Variants in TAOK3 observed in about 807,000 individuals in gnomAD.
TAOK3 encodes the protein TAO kinase 3.
A neutral mutation model predicts 120.4 loss-of-function variants in TAOK3; 40 were observed. The ratio of observed to expected loss-of-function variants is 0.33; its 90% CI spans 0.26 to 0.43. TAOK3 has a LOEUF of 0.43. Among genes scored for constraint, TAOK3 ranks in the 20% least tolerant of loss-of-function variants. The pLI is 1.00. For missense variants in TAOK3, 821 were observed against 1,112.1 expected, an observed-to-expected ratio of 0.74 and a Z score of 3.72; for synonymous variants, 355 against 387.5, an observed-to-expected ratio of 0.92 and a Z score of 0.99.
chr12:118,152,361 G>A lies in TAOK3; in HGVS notation c.2401C>T (p.Gln801Ter). ...QEAECQALRL[Q>*]LQQEMELLNA... is the part of the protein sequence containing the mutation. ...AGCAGCTCCATTTCCTGCTGGAGCT[G>A]TAGCCTCAAGGCCTGGCATTCTGCT... The change falls in exon 20 of 21, where the codon CAG (glutamine) becomes TAG (stop). Residue 801 changes from glutamine (Q) to a stop codon, truncating the protein, a stop_gained. Transcript: ENST00000392533. LOFTEE classifies it high-confidence loss of function. 1 of 1,613,942 alleles carries A rather than the reference G, an allele frequency of 6.2e-7. No homozygotes were observed. The highest frequency in any genetic ancestry group is 8.5e-7 in the Non-Finnish European group (1 of 1,180,010).
chr12:118,201,458 G>C lies in TAOK3; in HGVS notation c.825C>G (p.Asp275Glu), dbSNP rs1443661450. ...RPTSAELLRHDFVRRDRPLRV... is the reference protein window; with the variant it reads ...RPTSAELLRHEFVRRDRPLRV... ...GTAGTGGCCGGTCTCGTCGAACAAA[G>C]TCATGCTGATTGAGGGAGGAGGAAA... is the stretch of plus-strand genomic sequence containing the variant. Residue 275 changes from aspartate to glutamate, a missense_variant, in exon 12 of 21, where the codon GAC becomes GAG. Asp to Glu is a conservative substitution (Grantham distance 45). Coordinates refer to ENST00000392533, the MANE Select transcript of TAOK3 (RefSeq NM_016281.4). The C allele has an allele frequency of 6.2e-7, 1 of 1,608,422 alleles. No homozygotes were observed. Among genetic ancestry groups the C allele is most frequent in the Non-Finnish European group, 8.5e-7 (1 of 1,177,120 alleles).
intron 10 of TAOK3, 116 bp downstream of exon 10, chr12:118,213,901 C>A: frequency 5.8e-6 from 5 of 864,376 alleles, no homozygotes; most frequent in Non-Finnish European, 7.3e-6. Flanking sequence ...CTTGTAACAA[C>A]ATACAGTGAA....
intron 1 of TAOK3, among the ~76,000 whole-genome samples, chr12:118,286,144 A>T (rs764858196): frequency 7.2e-5 from 11 of 152,088 alleles, no homozygotes; most frequent in Non-Finnish European, 1.5e-4. Flanking sequence ...GGGCTCCAAG[A>T]TTTATTTTCC....
chr12:118,203,911 C>T (rs2038159916), intron 11 of TAOK3, among the ~76,000 whole-genome samples: 2 of 152,132 alleles, frequency 1.3e-5, no homozygotes, highest in African/African-American at 4.8e-5. Flanking sequence ...AGGGCAAATG[C>T]CCCTTATATA....
At chr12:118,182,623 A>ATATTTTTTT (rs371125415) in intron 14 of TAOK3, among the ~76,000 whole-genome samples, 14 of 92,418 alleles carry the variant, frequency 1.5e-4, no homozygotes, top group African/African-American at 5.4e-4. Context: ...ATATATATAT[A>ATATTTTTTT]TTTTTTTTTT....
intron 5 of TAOK3, among the ~76,000 whole-genome samples, chr12:118,241,439 C>A (rs1004662566): frequency 6.6e-6 from 1 of 152,078 alleles, no homozygotes; most frequent in African/African-American, 2.4e-5. Flanking sequence ...TTAAACCAAG[C>A]ATATGAAATG....
chr12:118,150,037 T>A lies in TAOK3; in HGVS notation c.*960A>T, dbSNP rs2138118523. The A allele has an allele frequency of 6.6e-6, 1 of 151,840 alleles. No homozygotes were observed. The highest frequency in any genetic ancestry group is 1.5e-5 in the Non-Finnish European group (1 of 67,912). 9.4% of individuals were successfully genotyped at this position (151,840 alleles called of 1,614,324 possible). ...AGGGGAAGGGAGATAAAGAAAAAGA[T>A]CAAGATGATCTGATTGAGAGACAGT... On this transcript the variant is annotated 3_prime_UTR_variant, in exon 21 of 21. Coordinates refer to ENST00000392533, the MANE Select transcript of TAOK3 (RefSeq NM_016281.4).
intron 2 of TAOK3, among the ~76,000 whole-genome samples, chr12:118,265,036 A>G (rs577405094): frequency 6.6e-6 from 1 of 152,136 alleles, no homozygotes; most frequent in South Asian, 2.1e-4. Context: ...TCTGTCTCAA[A>G]AGAAAAAAAT....
chr12:118,175,623 A>C (rs1344975978), intron 16 of TAOK3, among the ~76,000 whole-genome samples: 1 of 152,082 alleles, frequency 6.6e-6, no homozygotes, highest in Non-Finnish European at 1.5e-5. Context: ...GCGAAACTCC[A>C]TCTCAAAAGA....
chr12:118,211,822 G>T (rs199597359), intron 11 of TAOK3, among the ~76,000 whole-genome samples: 1 of 151,262 alleles, frequency 6.6e-6, no homozygotes, highest in African/African-American at 2.4e-5. Flanking sequence ...TTTATGTCTT[G>T]GTTTTTTGTT....
At chr12:118,296,424 A>G (rs1428010914) in intron 1 of TAOK3, among the ~76,000 whole-genome samples, 1 of 152,164 alleles carries the variant, frequency 6.6e-6, no homozygotes, top group East Asian at 1.9e-4. Context: ...GTGAGCCACT[A>G]TGCCTGGCCT....
At position 118,267,967 on chromosome 12, in the gene TAOK3, C is replaced by G. The variant is rs112945235; in HGVS notation, c.-193-1208G>C. 8.7e-3 allele frequency among the ~76,000 whole-genome samples: 1,328 copies of G among 151,966 alleles called. 18 individuals are homozygous for G. The highest frequency in any genetic ancestry group is 0.031 in the African/African-American group (1,285 of 41,430). ...CATTAACAATCTGGCATACTTTTCT[C>G]CATGGACGTATTTATTTCTGCCTGC... On this transcript the variant is annotated intron_variant, in intron 1 of 20. Transcript: ENST00000392533.
intron 15 of TAOK3, among the ~76,000 whole-genome samples, chr12:118,179,408 A>C (rs1339723774): frequency 1.3e-5 from 2 of 152,212 alleles, no homozygotes; most frequent in Non-Finnish European, 2.9e-5. Context: ...TCCTGCAGAC[A>C]TAAATCACCT....
At chr12:118,323,199 G>A (rs997027390) in intron 1 of TAOK3, among the ~76,000 whole-genome samples, 5 of 152,068 alleles carry the variant, frequency 3.3e-5, no homozygotes, top group East Asian at 1.9e-4. Flanking sequence ...AAAACAAATT[G>A]TAAACCAACA....
chr12:118,194,356 A>G (rs1044433494), intron 13 of TAOK3, among the ~76,000 whole-genome samples: 6 of 152,210 alleles, frequency 3.9e-5, no homozygotes, highest in Non-Finnish European at 8.8e-5. Context: ...ATGAAAAAGC[A>G]TATCTTAACT....
At chr12:118,261,749 T>A (rs879372784) in intron 2 of TAOK3, 2 of 152,240 alleles carry the variant, frequency 1.3e-5, no homozygotes, top group Non-Finnish European at 2.9e-5. Context: ...AGACTTTCTG[T>A]TGTCAAACAA....
Position 118,235,584 on chromosome 12 carries a change from G to A in TAOK3, c.525C>T (p.Ala175=), listed in dbSNP as rs770539166. The A allele has an allele frequency of 2.5e-6, 4 of 1,613,708 alleles. No homozygotes were observed. Among genetic ancestry groups the A allele is most frequent in the Non-Finnish European group, 3.4e-6 (4 of 1,179,866 alleles). ...AGTAAGGTGTGCCCACGAAGGAGTT[G>A]GCAGGAGAAGCCATTGAAGCAGATC... ...DFGSASMASP[A]NSFVGTPYWM... is the part of the protein sequence containing the mutation. The change falls in exon 8 of 21, where the codon GCC becomes GCT. Residue 175 remains alanine, a synonymous_variant. Coordinates refer to ENST00000392533, the MANE Select transcript of TAOK3 (RefSeq NM_016281.4).
At chr12:118,204,853 AC>A (rs1490893163) in intron 11 of TAOK3, among the ~76,000 whole-genome samples, 2 of 151,970 alleles carry the variant, frequency 1.3e-5, no homozygotes, top group African/African-American at 4.8e-5. Flanking sequence ...AACATGGCAA[AC>A]CCCCATCTCT....
At chr12:118,240,224 G>C (rs1456082777) in intron 5 of TAOK3, among the ~76,000 whole-genome samples, 1 of 147,878 alleles carries the variant, frequency 6.8e-6, no homozygotes, top group Admixed American at 6.8e-5. Context: ...TTGTTGCCCA[G>C]GCTGGAGTGC....
Sources: allele counts gnomAD v4.1 joint callset (sites outside exome capture counted in the v4.1 genomes callset), GRCh38; gene constraint gnomAD v4.1.1; transcripts MANE v1.5; gene names NCBI Gene and HGNC (gene_info 2026-07-23, HGNC 2026-07-21).